METTL22: variants seen among roughly 807,000 people sequenced by gnomAD.
The protein encoded by METTL22 is methyltransferase-like protein 22.
METTL22 carries 51 observed loss-of-function variants against 48.4 expected under a neutral mutation model. The ratio of observed to expected loss-of-function variants is 1.05; its 90% confidence interval spans 0.84 to 1.33. The LOEUF is 1.33. METTL22 is among the 40% of genes most tolerant of loss of function. METTL22 has a pLI of 0.00. For synonymous variants in METTL22, 255 were observed against 214.1 expected, an observed-to-expected ratio of 1.19 and a Z score of -1.67; for missense variants, 678 against 526.9, an observed-to-expected ratio of 1.29 and a Z score of -2.81.
At position 8,639,165 on chromosome 16, in the gene METTL22, G is replaced by A; in HGVS notation, c.772+3G>A. 6.2e-7 allele frequency: 1 copy of A among 1,613,970 alleles called. No homozygotes were observed. Among genetic ancestry groups the A allele is most frequent in the Non-Finnish European group, 8.5e-7 (1 of 1,179,982 alleles). On this transcript the variant is annotated splice_donor_region_variant and intron_variant, in intron 6 of 10. Coordinates refer to ENST00000381920, the MANE Select transcript of METTL22 (RefSeq NM_024109.4). ...CAGCCACCTGGCTGCCACTGGAGGT[G>A]AGGCCCAGGGGGTCTTCTGCCAGGG...
chr16:8,661,195 C>T, the METTL22 span, among the ~76,000 whole-genome samples: 1 of 150,380 alleles, frequency 6.6e-6, no homozygotes, highest in Non-Finnish European at 1.5e-5. Flanking sequence ...CCAAGGTAAT[C>T]ATCAGTCCTG....
In METTL22 at chr16:8,625,656, A is replaced by T. The variant is rs2056020922; in HGVS notation, c.-10A>T. The stretch of plus-strand genomic sequence containing the variant: ...GACTCCTGTCCTAGGACTAAGGTGG[A>T]GCCTGGGCCATGGTACAGCTGGCTC... On this transcript the variant is annotated 5_prime_UTR_variant, in exon 2 of 11. Transcript: ENST00000381920. 3.1e-6 allele frequency: 5 copies of T among 1,613,986 alleles called. No individual in the cohort carries two copies. The highest frequency in any genetic ancestry group is 4.2e-6 in the Non-Finnish European group (5 of 1,179,982).
the METTL22 span, among the ~76,000 whole-genome samples, chr16:8,658,752 G>T: frequency 1.3e-5 from 2 of 152,176 alleles, no homozygotes; most frequent in African/African-American, 4.8e-5. Flanking sequence ...TGACCAGAGT[G>T]CACGTCAAGG....
At chr16:8,635,850 T>C (rs962749193) in intron 5 of METTL22, among the ~76,000 whole-genome samples, 9 of 152,248 alleles carry the variant, frequency 5.9e-5, no homozygotes, top group African/African-American at 2.2e-4. Context: ...GACTAGGCAC[T>C]GCCCTCAGGG....
At chr16:8,642,798 G>A in intron 9 of METTL22, 1 of 591,752 alleles carries the variant, frequency 1.7e-6, no homozygotes, top group Non-Finnish European at 3.0e-6. Context: ...GAGGAAGGCT[G>A]GGAAGCATCA....
chr16:8,661,136 G>C, the METTL22 span, among the ~76,000 whole-genome samples: 16 of 152,098 alleles, frequency 1.1e-4, no homozygotes, highest in African/African-American at 3.9e-4. Context: ...TCACCACAAG[G>C]TGGTGCCCCA....
In METTL22 at chr16:8,642,130, C is replaced by G; in HGVS notation, c.830C>G (p.Pro277Arg). The change falls in exon 8 of 11, where the codon CCC (proline) becomes CGC (arginine). Residue 277 changes from proline (P) to arginine (R), a missense_variant. Transcript: ENST00000381920. Reference protein sequence around the residue: ...DWLKDDLCTDPKVPFSWSQEE... With the variant: ...DWLKDDLCTDRKVPFSWSQEE... ...GTGTGCTTTTGTTCTTTCTTAGATCCCAAGGTCCCCTTCAGTTGGTCACAA... is the reference window on the plus strand; with the variant it reads ...GTGTGCTTTTGTTCTTTCTTAGATCGCAAGGTCCCCTTCAGTTGGTCACAA... 1 of 1,612,356 alleles carries G rather than the reference C, an allele frequency of 6.2e-7. No individual in the cohort carries two copies.
intron 10 of METTL22, chr16:8,645,787 T>C (rs2056767810): frequency 2.3e-6 from 1 of 430,402 alleles, no homozygotes; most frequent in Non-Finnish European, 3.4e-6. Context: ...AAAATAAAAT[T>C]GTTTATAAAG....
chr16:8,639,610 C>G, intron 6 of METTL22: 1 of 196,002 alleles, frequency 5.1e-6, no homozygotes, highest in South Asian at 9.5e-5. Context: ...CCGGCCTGCT[C>G]TCCTTGCCTC....
intron 9 of METTL22, among the ~76,000 whole-genome samples, chr16:8,643,575 C>A (rs1357745275): frequency 1.3e-5 from 2 of 152,126 alleles, no homozygotes; most frequent in Non-Finnish European, 2.9e-5. Context: ...TGGAAGTGGA[C>A]AGTGGCTGAA....
chr16:8,639,911 C>G (rs1266694445), intron 6 of METTL22, among the ~76,000 whole-genome samples: 1 of 152,082 alleles, frequency 6.6e-6, no homozygotes, highest in Non-Finnish European at 1.5e-5. Context: ...GCCGACCTCA[C>G]CGTCTTTCAA....
In METTL22 at chr16:8,646,760, C is replaced by T. The variant is rs1314910731; in HGVS notation, c.*617C>T. The T allele has an allele frequency of 6.8e-6, 3 of 438,728 alleles. No homozygotes were observed. The highest frequency in any genetic ancestry group is 7.1e-5 in the East Asian group (1 of 14,068). The allele number at this position is 438,728 out of a possible 1,614,324, so 27.2% of individuals were successfully genotyped here. A position where few individuals can be genotyped will look rare whatever the true frequency, so the allele number is the denominator to read the frequency against. ...AAACCTAAGAGCCACTCTTTGGGGT[C>T]ATGTGCAGCTGACCAGGGTTTGTGC... On this transcript the variant is annotated 3_prime_UTR_variant, in exon 11 of 11. Transcript: ENST00000381920.
chr16:8,634,888 A>G, intron 3 of METTL22, 151 bp from the exon 4 acceptor site: 1 of 973,932 alleles, frequency 1.0e-6, no homozygotes, highest in Non-Finnish European at 1.6e-6. Flanking sequence ...CCAGTAGCAC[A>G]GCCTGTGTTT....
rs1449623384 is a variant in METTL22 at position 8,648,123 on chromosome 16, A to G, written c.*1980A>G. 1.3e-5 allele frequency: 2 copies of G among 152,304 alleles called. No homozygotes were observed. The highest frequency in any genetic ancestry group is 4.8e-5 in the African/African-American group (2 of 41,478). The allele number at this position is 152,304 out of a possible 1,614,324, so 9.4% of individuals were successfully genotyped here. On this transcript the variant is annotated 3_prime_UTR_variant, in exon 11 of 11. Transcript: ENST00000381920. ...AGGATCAATTAAGGCCAGGAGTTCA[A>G]CCAGCCTGGACAACAAAGCAAGACC...
chr16:8,644,858 G>C, intron 10 of METTL22, 133 bp downstream of exon 10: 1 of 937,266 alleles, frequency 1.1e-6, no homozygotes, highest in Non-Finnish European at 1.5e-6. Flanking sequence ...AAGCCTGCGT[G>C]CCTGGCACCA....
At chr16:8,621,970 C>T (rs1378177469) in intron 1 of METTL22, among the ~76,000 whole-genome samples, 195 bp downstream of exon 1, 1 of 152,230 alleles carries the variant, frequency 6.6e-6, no homozygotes, top group African/African-American at 2.4e-5. Context: ...GGGTTTCCAT[C>T]CTGGGTCCAG....
At chr16:8,629,361 C>T (rs2056176969) in intron 3 of METTL22, among the ~76,000 whole-genome samples, 1 of 152,194 alleles carries the variant, frequency 6.6e-6, no homozygotes, top group South Asian at 2.1e-4. Context: ...CTCCCAGCCT[C>T]TGCTCCCTTA....
At chr16:8,663,720 TG>T in the METTL22 span, among the ~76,000 whole-genome samples, 1 of 152,216 alleles carries the variant, frequency 6.6e-6, no homozygotes, top group Non-Finnish European at 1.5e-5. Flanking sequence ...AACTGAGGCT[TG>T]GAGAAATTAA....
the METTL22 span, among the ~76,000 whole-genome samples, chr16:8,659,097 A>G: frequency 0.44 from 66,346 of 151,912 alleles, 14,811 homozygotes; most frequent in African/African-American, 0.5. Flanking sequence ...TTGGGAGGCC[A>G]AGGTGGGCAG....
Sources: allele counts gnomAD v4.1 joint callset (sites outside exome capture counted in the v4.1 genomes callset), GRCh38; gene constraint gnomAD v4.1.1; transcripts MANE v1.5; gene names NCBI Gene and HGNC (gene_info 2026-07-23, HGNC 2026-07-21).